The following DMC1 variants were observed in gnomAD, a reference collection of about 807,000 sequenced individuals.
The protein encoded by DMC1 is meiotic recombination protein DMC1 homolog.
A neutral mutation model predicts 50.1 loss-of-function variants in DMC1; 27 were observed. That is an observed-to-expected ratio of 0.54 (90% CI 0.40 to 0.74). The LOEUF (loss-of-function observed/expected upper bound fraction) is 0.74, where lower values mean the gene tolerates loss of function less well. DMC1 is among the 30% of genes least tolerant of loss of function. The pLI is 0.00. For synonymous variants in DMC1, 148 were observed against 136.1 expected (o/e 1.09, Z -0.61); for missense variants, 295 against 420.2 (o/e 0.70, Z 2.60).
rs2090245166 is a variant in DMC1, at chr22:38,538,615, G to C, written c.587-3C>G. ...AAGTAGCTCCATCTGATGTTCACCT[G>C]ATGGGAAATGCAGTGAGAAAATGTT... On this transcript the variant is annotated splice_region_variant and splice_polypyrimidine_tract_variant and intron_variant, in intron 9 of 13. Transcript: ENST00000216024. The C allele has an allele frequency of 6.2e-7, 1 of 1,612,740 alleles. No homozygotes were observed. Among genetic ancestry groups the C allele is most frequent in the Admixed American group, 1.7e-5 (1 of 59,992 alleles).
chr22:38,549,663 T>C, intron 8 of DMC1: 1 of 381,624 alleles, frequency 2.6e-6, no homozygotes, highest in Non-Finnish European at 4.7e-6. Flanking sequence ...AGCAACATCT[T>C]TAGAGAAGTA....
At chr22:38,546,460 A>C (rs533548846) in intron 8 of DMC1, among the ~76,000 whole-genome samples, 1 of 152,182 alleles carries the variant, frequency 6.6e-6, no homozygotes, top group East Asian at 1.9e-4. Flanking sequence ...CCTCTCTGAG[A>C]TAAGAATCAT....
intron 12 of DMC1, among the ~76,000 whole-genome samples, chr22:38,532,086 T>A (rs1602723468): frequency 6.6e-6 from 1 of 152,056 alleles, no homozygotes; most frequent in African/African-American, 2.4e-5. Flanking sequence ...GCAACCCACT[T>A]CCTCCCTCTG....
At chr22:38,518,164 G>A (rs1026285579), downstream of DMC1, among the ~76,000 whole-genome samples, 4 of 152,014 alleles carry the variant, frequency 2.6e-5, no homozygotes, top group Non-Finnish European at 5.9e-5. Flanking sequence ...TAGAGATGGG[G>A]TTTCACTGTG....
In DMC1 at chr22:38,519,063, G is replaced by A. The variant is rs1262131832; in HGVS notation, c.*957C>T. ...AAATTAATTTTAACATTTTAAAAAA[G>A]TTTTTTTTTTTTTTTTGAGACGGAG... On this transcript the variant is annotated 3_prime_UTR_variant, in exon 14 of 14. Coordinates refer to ENST00000216024, the MANE Select transcript of DMC1 (RefSeq NM_007068.4). 2 of 138,082 alleles carry A rather than the reference G, an allele frequency of 1.4e-5. No homozygotes were observed. Among genetic ancestry groups the A allele is most frequent in the African/African-American group, 5.3e-5 (2 of 37,462 alleles). 8.6% of individuals were successfully genotyped at this position (138,082 alleles called of 1,614,324 possible). A position where few individuals can be genotyped will look rare whatever the true frequency, so the allele number is the denominator to read the frequency against.
At chr22:38,528,099 T>A (rs887414622) in intron 12 of DMC1, among the ~76,000 whole-genome samples, 2 of 151,010 alleles carry the variant, frequency 1.3e-5, no homozygotes, top group African/African-American at 4.9e-5. Context: ...TCTCACTCTG[T>A]CACCCAGGCT....
chr22:38,522,545 A>G (rs971990635), intron 12 of DMC1, among the ~76,000 whole-genome samples: 1 of 152,086 alleles, frequency 6.6e-6, no homozygotes, highest in Non-Finnish European at 1.5e-5. Flanking sequence ...TGGGCAACAG[A>G]ATAAGACTCC....
intron 8 of DMC1, among the ~76,000 whole-genome samples, chr22:38,546,773 A>T (rs746229121): frequency 9.9e-5 from 15 of 152,208 alleles, no homozygotes; most frequent in Non-Finnish European, 2.2e-4. Flanking sequence ...ATTCAGAAAG[A>T]CTGTGAGATG....
At position 38,522,413 on chromosome 22, in the gene DMC1, G is replaced by A. The variant is rs144187214; in HGVS notation, c.837-689C>T. On this transcript the variant is annotated intron_variant, in intron 12 of 13. Transcript: ENST00000216024. Reference sequence around the variant, plus strand: ...CTACTAAAAATACAAAAATTAGCCAGGTGTGGTGGCGTGTGCCTGATGCTT... The same window carrying A: ...CTACTAAAAATACAAAAATTAGCCAAGTGTGGTGGCGTGTGCCTGATGCTT... Among the ~76,000 whole-genome samples, 703 of 152,132 alleles carry A rather than the reference G, an allele frequency of 4.6e-3. 7 individuals carry two copies. The highest frequency in any genetic ancestry group is 0.016 in the African/African-American group (659 of 41,546).
At chr22:38,553,827 C>T (rs191706375) in intron 6 of DMC1, among the ~76,000 whole-genome samples, 45 of 151,386 alleles carry the variant, frequency 3.0e-4, no homozygotes, top group East Asian at 1.9e-3. Flanking sequence ...GGTGTGGTGG[C>T]GTGCACCTAT....
chr22:38,536,461 C>T (rs1472065659), intron 12 of DMC1, among the ~76,000 whole-genome samples: 2 of 152,022 alleles, frequency 1.3e-5, no homozygotes, highest in Admixed American at 6.6e-5. Context: ...TATTCACTGC[C>T]GTCTTTCAGA....
intron 12 of DMC1, 63 bp from the exon 13 acceptor site, chr22:38,521,787 T>C (rs2090031702): frequency 9.0e-7 from 1 of 1,115,554 alleles, no homozygotes; most frequent in African/African-American, 1.5e-5. Context: ...ATATCTGCAA[T>C]TACAAGGCAA....
chr22:38,510,131 T>C, the DMC1 span, among the ~76,000 whole-genome samples: 1 of 151,240 alleles, frequency 6.6e-6, no homozygotes, highest in African/African-American at 2.4e-5. Flanking sequence ...ATCGCTTGAA[T>C]TGGGGAGGTG....
At chr22:38,563,130 T>C (rs936118385) in intron 4 of DMC1, among the ~76,000 whole-genome samples, 3 of 152,210 alleles carry the variant, frequency 2.0e-5, no homozygotes, top group Non-Finnish European at 4.4e-5. Context: ...CTTTTTTTCA[T>C]TCAACAGCAT....
At chr22:38,510,766 A>G in the DMC1 span, among the ~76,000 whole-genome samples, 1 of 152,196 alleles carries the variant, frequency 6.6e-6, no homozygotes, top group African/African-American at 2.4e-5. Flanking sequence ...GAAGGTGGGG[A>G]AAGTGGAGAG....
the DMC1 span, among the ~76,000 whole-genome samples, chr22:38,509,692 C>T: frequency 6.6e-6 from 1 of 151,770 alleles, no homozygotes; most frequent in African/African-American, 2.4e-5. Context: ...TTTTTAGAGA[C>T]AGAGTCTCAC....
At chr22:38,552,882 C>T (rs987126787) in intron 6 of DMC1, among the ~76,000 whole-genome samples, 175 bp from the exon 7 acceptor site, 15 of 151,406 alleles carry the variant, frequency 9.9e-5, no homozygotes, top group African/African-American at 3.4e-4. Flanking sequence ...CAGAGTCTTG[C>T]TCTCACTCAG....
Position 38,555,427 on chromosome 22 carries a change from G to A in DMC1, c.327-18C>T, listed in dbSNP as rs747677200. ...GTAACTTACTGGAAATAGAAAGAAAGCATTAGTAACAGGAATAGAAATAGA... is the reference window on the plus strand; with the variant it reads ...GTAACTTACTGGAAATAGAAAGAAAACATTAGTAACAGGAATAGAAATAGA... On this transcript the variant is annotated intron_variant, in intron 5 of 13. Transcript: ENST00000216024. 1.3e-6 allele frequency: 2 copies of A among 1,507,790 alleles called. No homozygotes were observed. The highest frequency in any genetic ancestry group is 1.7e-5 in the Admixed American group (1 of 59,760). The allele number at this position is 1,507,790 out of a possible 1,614,324, so 93.4% of individuals were successfully genotyped here. A position where few individuals can be genotyped will look rare whatever the true frequency, so the allele number is the denominator to read the frequency against.
At chr22:38,566,489 G>A in intron 4 of DMC1, 101 bp downstream of exon 4, 1 of 1,306,498 alleles carries the variant, frequency 7.7e-7, no homozygotes, top group South Asian at 1.2e-5. Context: ...GTGATCTACA[G>A]GAACTCAGTT....
Sources: gnomAD v4.1 joint callset for allele counts (sites outside exome capture counted in the v4.1 genomes callset) on GRCh38, gnomAD v4.1.1 for gene constraint, MANE v1.5 for transcripts, NCBI Gene and HGNC (gene_info 2026-07-23, HGNC 2026-07-21) for gene names.